CNTNAP2: variants seen among roughly 807,000 people sequenced by gnomAD.
The protein encoded by CNTNAP2 is contactin associated protein 2.
Under a neutral mutation model 155.2 loss-of-function variants are expected in CNTNAP2, and 98 were observed. The ratio of observed to expected loss-of-function variants is 0.63; its 90% CI spans 0.54 to 0.75. The LOEUF is 0.75. Among genes scored for constraint, CNTNAP2 ranks in the 30% least tolerant of loss-of-function variants. The pLI, the probability that CNTNAP2 is intolerant of heterozygous loss-of-function variation, is 0.00. For missense variants in CNTNAP2, 1,727 were observed against 1,688.1 expected, an observed-to-expected ratio of 1.02 and a Z score of -0.40; for synonymous variants, 651 against 631.2, an observed-to-expected ratio of 1.03 and a Z score of -0.47.
intron 13 of CNTNAP2, among the ~76,000 whole-genome samples, chr7:147,773,233 A>C (rs537707451): frequency 6.6e-6 from 1 of 152,310 alleles, no homozygotes; most frequent in Non-Finnish European, 1.5e-5. Flanking sequence ...TAATGGAAGT[A>C]ATTTATGCTG....
At chr7:147,687,170 C>T (rs1232928665) in intron 13 of CNTNAP2, among the ~76,000 whole-genome samples, 2 of 151,884 alleles carry the variant, frequency 1.3e-5, no homozygotes, top group Non-Finnish European at 2.9e-5. Flanking sequence ...AAAAAGTTGG[C>T]TAAAATAGCA....
intron 8 of CNTNAP2, among the ~76,000 whole-genome samples, chr7:147,295,236 CGCATGCGTGTGTACCCATGTGTGTGTGT>C (rs1239306937): frequency 2.0e-5 from 3 of 150,978 alleles, no homozygotes; most frequent in Non-Finnish European, 4.4e-5. Context: ...AGTGTGTGTG[CGCATGCGTGTGTACCCATGTGTGTGTGT>C]GCATGCGTGT....
chr7:147,243,049 G>T (rs1300303210), intron 8 of CNTNAP2, among the ~76,000 whole-genome samples: 1 of 123,964 alleles, frequency 8.1e-6, no homozygotes, highest in Non-Finnish European at 1.6e-5. Flanking sequence ...CCAGGCTGGA[G>T]TGCAGTGGTG....
At chr7:146,849,741 T>A (rs1478318724) in intron 3 of CNTNAP2, among the ~76,000 whole-genome samples, 2 of 152,206 alleles carry the variant, frequency 1.3e-5, no homozygotes, top group East Asian at 1.9e-4. Flanking sequence ...TTTCACTTTC[T>A]CCTATTTATC....
chr7:146,883,030 C>T (rs6954198), intron 3 of CNTNAP2, among the ~76,000 whole-genome samples: 51 of 152,260 alleles, frequency 3.3e-4, no homozygotes, highest in Middle Eastern at 3.4e-3. Flanking sequence ...TCTGATCAAA[C>T]TACAAATGTC....
chr7:147,123,974 A>G (rs1248176180), intron 6 of CNTNAP2, among the ~76,000 whole-genome samples: 1 of 152,164 alleles, frequency 6.6e-6, no homozygotes, highest in Non-Finnish European at 1.5e-5. Flanking sequence ...CTCAGGAGGC[A>G]GAGGTTTCAG....
chr7:147,860,066 G>A (rs988393900), intron 13 of CNTNAP2, among the ~76,000 whole-genome samples: 5 of 152,200 alleles, frequency 3.3e-5, no homozygotes, highest in Admixed American at 1.3e-4. Flanking sequence ...ATTGGGTCAT[G>A]GGGGCGGTTT....
intron 23 of CNTNAP2, among the ~76,000 whole-genome samples, chr7:148,413,043 T>C (rs1799877806): frequency 6.6e-6 from 1 of 152,150 alleles, no homozygotes; most frequent in Non-Finnish European, 1.5e-5. Context: ...AACATTATCA[T>C]AATACATGAT....
chr7:148,117,056 CTT>C lies in CNTNAP2; in HGVS notation c.2384-1061_2384-1060del, dbSNP rs148055953. 2.8e-4 allele frequency among the ~76,000 whole-genome samples: 43 copies of C among 152,336 alleles called. No homozygotes were observed. The East Asian group carries it at 8.3e-3, about 29-fold the overall frequency. On this transcript the variant is annotated intron_variant, in intron 15 of 23. Transcript: ENST00000361727. ...CTGAAGATGAAGTTGAGAGCCAACT[CTT>C]GATCCCATATTAAATTCTTAGTCCA... is the stretch of plus-strand genomic sequence containing the variant.
At chr7:146,881,642 G>A (rs907580941) in intron 3 of CNTNAP2, among the ~76,000 whole-genome samples, 3 of 151,164 alleles carry the variant, frequency 2.0e-5, no homozygotes, top group Non-Finnish European at 4.4e-5. Context: ...CACAATAAAT[G>A]GAAAATATGG....
chr7:148,218,071 A>G (rs1795678344), intron 19 of CNTNAP2, among the ~76,000 whole-genome samples: 1 of 152,262 alleles, frequency 6.6e-6, no homozygotes, highest in Non-Finnish European at 1.5e-5. Context: ...GCTTATAGTG[A>G]GCCATGATCG....
At chr7:146,719,303 A>T in intron 1 of CNTNAP2, among the ~76,000 whole-genome samples, 1 of 152,204 alleles carries the variant, frequency 6.6e-6, no homozygotes, top group East Asian at 1.9e-4. Flanking sequence ...ACTAAGCTGG[A>T]CATTTCACAA....
intron 13 of CNTNAP2, among the ~76,000 whole-genome samples, chr7:147,880,444 T>A (rs1286138248): frequency 6.6e-6 from 1 of 152,120 alleles, no homozygotes; most frequent in African/African-American, 2.4e-5. Context: ...GTTGGATATG[T>A]GAGTCTGAGT....
chr7:147,647,408 A>C (rs947164580), intron 13 of CNTNAP2, among the ~76,000 whole-genome samples: 2 of 152,126 alleles, frequency 1.3e-5, no homozygotes, highest in African/African-American at 4.8e-5. Flanking sequence ...ACTGGTAAGC[A>C]AAAAAATAAA....
At position 147,347,463 on chromosome 7, in the gene CNTNAP2, T is replaced by TATATATGC. The variant is rs1554472702; in HGVS notation, c.1498+47179_1498+47180insGCATATAT. Reference sequence around the variant, plus strand: ...ATGCATATATATATATATGCATATATATATATATATATGCATATATATATA... The same window carrying TATATATGC: ...ATGCATATATATATATATGCATATATATATATGCATATATATATATGCATATATATATA... On this transcript the variant is annotated intron_variant, in intron 9 of 23. Transcript: ENST00000361727. Among the ~76,000 whole-genome samples, 39 of 67,852 alleles carry TATATATGC rather than the reference T, an allele frequency of 5.7e-4. 1 individual carries two copies. The highest frequency in any genetic ancestry group is 1.0e-3 in the African/African-American group (30 of 29,388). The allele number at this position is 67,852 out of a possible 152,430, so 44.5% of individuals were successfully genotyped here.
At chr7:148,327,258 A>G (rs139838708) in intron 21 of CNTNAP2, among the ~76,000 whole-genome samples, 88 of 152,310 alleles carry the variant, frequency 5.8e-4, no homozygotes, top group African/African-American at 2.1e-3. Flanking sequence ...ATGTGCCACC[A>G]TCTACCCTGT....
intron 4 of CNTNAP2, among the ~76,000 whole-genome samples, chr7:147,052,322 C>A (rs560893185): frequency 6.6e-6 from 1 of 152,138 alleles, no homozygotes; most frequent in Non-Finnish European, 1.5e-5. Flanking sequence ...TCATCACTAG[C>A]ATCCCCTTAA....
intron 13 of CNTNAP2, among the ~76,000 whole-genome samples, chr7:147,734,947 T>C: frequency 6.6e-6 from 1 of 151,648 alleles, no homozygotes; most frequent in Non-Finnish European, 1.5e-5. Flanking sequence ...ATCAATATTG[T>C]TGATCTTTTC....
At chr7:147,884,656 T>C (rs772155399) in intron 13 of CNTNAP2, among the ~76,000 whole-genome samples, 6 of 152,216 alleles carry the variant, frequency 3.9e-5, no homozygotes, top group Non-Finnish European at 8.8e-5. Flanking sequence ...AAAAAAAGAA[T>C]AAGGGCAAAT....
Sources: allele counts gnomAD v4.1 joint callset (sites outside exome capture counted in the v4.1 genomes callset), GRCh38; gene constraint gnomAD v4.1.1; transcripts MANE v1.5; gene names NCBI Gene and HGNC (gene_info 2026-07-23, HGNC 2026-07-21).